Variants in TRDN observed in about 807,000 individuals in gnomAD.
TRDN encodes triadin.
In TRDN, 161 loss-of-function variants were observed where a neutral mutation model predicts 149.7. The observed-to-expected ratio is 1.08, with a 90% CI of 0.95 to 1.23. TRDN has a LOEUF of 1.23. Ranked by LOEUF, TRDN falls within the 50% of genes most tolerant of loss-of-function variation. The probability of loss-of-function intolerance (pLI) is 0.00; values close to 1 mark genes in which losing one functional copy is unlikely to be tolerated. For synonymous variants in TRDN, 294 were observed against 250.5 expected (o/e 1.17, Z -1.64); for missense variants, 896 against 823.5 (o/e 1.09, Z -1.08).
At chr6:123,465,010 A>G (rs759457993) in intron 9 of TRDN, 27 bp from the exon 10 acceptor site, 40 of 1,369,448 alleles carry the variant, frequency 2.9e-5, no homozygotes, top group Admixed American at 7.5e-5. Context: ...TAGGAATTGG[A>G]AAAAAAAAAG....
chr6:123,286,943 T>C (rs909859451), intron 24 of TRDN, among the ~76,000 whole-genome samples: 43 of 152,102 alleles, frequency 2.8e-4, no homozygotes, highest in African/African-American at 1.0e-3. Context: ...CCCAGGAATT[T>C]GTCACTTAAC....
intron 13 of TRDN, among the ~76,000 whole-genome samples, chr6:123,390,581 T>C (rs1782069682): frequency 6.6e-6 from 1 of 152,244 alleles, no homozygotes; most frequent in Middle Eastern, 3.4e-3. Flanking sequence ...TATTGCCAAC[T>C]GGAAAGCCAT....
At chr6:123,319,421 T>A (rs1260487149) in intron 23 of TRDN, among the ~76,000 whole-genome samples, 1 of 151,972 alleles carries the variant, frequency 6.6e-6, no homozygotes, top group Non-Finnish European at 1.5e-5. Context: ...GAGATTACAG[T>A]TTCTAACTAG....
intron 10 of TRDN, among the ~76,000 whole-genome samples, chr6:123,458,125 C>T (rs911802503): frequency 1.3e-5 from 2 of 152,134 alleles, no homozygotes; most frequent in African/African-American, 4.8e-5. Flanking sequence ...TTCTAATTGA[C>T]AAATGTAAAT....
At chr6:123,232,796 T>G (rs1775654216) in intron 38 of TRDN, among the ~76,000 whole-genome samples, 1 of 152,060 alleles carries the variant, frequency 6.6e-6, no homozygotes, top group Non-Finnish European at 1.5e-5. Flanking sequence ...GGATTAATTT[T>G]GTTTTTCTCA....
intron 38 of TRDN, among the ~76,000 whole-genome samples, chr6:123,250,486 CTCT>C (rs1264661414): frequency 1.6e-4 from 25 of 152,082 alleles, no homozygotes; most frequent in Admixed American, 1.6e-3. Context: ...ATATAGTATG[CTCT>C]TCTTTATAAA....
intron 39 of TRDN, among the ~76,000 whole-genome samples, chr6:123,222,602 T>C (rs1473923303): frequency 6.6e-6 from 1 of 151,840 alleles, no homozygotes; most frequent in Admixed American, 6.6e-5. Flanking sequence ...AAAGCACTAT[T>C]TTCCACATTG....
chr6:123,375,510 A>T (rs557224242), intron 19 of TRDN, 95 bp downstream of exon 19: 1 of 1,022,630 alleles, frequency 9.8e-7, no homozygotes, highest in East Asian at 3.0e-5. Flanking sequence ...CTGGTAAGCC[A>T]TTCTCAAAAT....
intron 5 of TRDN, among the ~76,000 whole-genome samples, chr6:123,519,181 C>A (rs978272316): frequency 6.6e-6 from 1 of 152,132 alleles, no homozygotes; most frequent in South Asian, 2.1e-4. Context: ...AAAGTCCCTT[C>A]GGTATGCTGA....
chr6:123,340,532 T>C (rs1025933520), intron 21 of TRDN, among the ~76,000 whole-genome samples: 1 of 152,060 alleles, frequency 6.6e-6, no homozygotes, highest in Admixed American at 6.6e-5. Flanking sequence ...ATCAGGCAGT[T>C]AAGATCCCTT....
chr6:123,373,349 T>C (rs748076405), intron 19 of TRDN, among the ~76,000 whole-genome samples: 28 of 152,150 alleles, frequency 1.8e-4, no homozygotes, highest in Non-Finnish European at 3.8e-4. Flanking sequence ...TGCTCCTCCT[T>C]GCCTTACACT....
At chr6:123,260,330 T>C (rs1014238172) in intron 34 of TRDN, among the ~76,000 whole-genome samples, 4 of 152,094 alleles carry the variant, frequency 2.6e-5, no homozygotes, top group African/African-American at 7.2e-5. Context: ...AAAGCAGTCT[T>C]GGTAAATAAT....
Position 123,505,429 on chromosome 6 carries a change from G to A in TRDN, c.611-1528C>T, listed in dbSNP as rs147560734. Among the ~76,000 whole-genome samples, 438 of 152,050 alleles carry A rather than the reference G, an allele frequency of 2.9e-3. 5 individuals are homozygous for A. The highest frequency in any genetic ancestry group is 9.9e-3 in the African/African-American group (412 of 41,496). On this transcript the variant is annotated intron_variant, in intron 7 of 40. Coordinates refer to ENST00000334268, the MANE Select transcript of TRDN (RefSeq NM_006073.4). ...CAAACCAAAAATCATCTGTGGTATCGCACTTAATTGACTACGCCAGCACTT... is the reference window on the plus strand; with the variant it reads ...CAAACCAAAAATCATCTGTGGTATCACACTTAATTGACTACGCCAGCACTT...
intron 20 of TRDN, among the ~76,000 whole-genome samples, chr6:123,362,473 T>C (rs1048869801): frequency 7.2e-5 from 11 of 152,164 alleles, no homozygotes; most frequent in Non-Finnish European, 8.8e-5. Flanking sequence ...ACAATGGTCT[T>C]GAGATAATTA....
rs546504398 is a variant in TRDN, at chr6:123,440,966, G to A, written c.932-1963C>T. 54 of 152,042 alleles carry A rather than the reference G, an allele frequency of 3.6e-4. No individual in the cohort carries two copies. In the Middle Eastern group the frequency reaches 0.01, roughly 29 times the overall value. 9.4% of individuals were successfully genotyped at this position (152,042 alleles called of 1,614,324 possible). On this transcript the variant is annotated intron_variant, in intron 10 of 40. Coordinates refer to ENST00000334268, the MANE Select transcript of TRDN (RefSeq NM_006073.4). Reference sequence around the variant, plus strand: ...GTGATTACAGTCATACACTGTGAGAGTCATGAATAAGAGCAGAAGTCCACA... The same window carrying A: ...GTGATTACAGTCATACACTGTGAGAATCATGAATAAGAGCAGAAGTCCACA...
intron 2 of TRDN, among the ~76,000 whole-genome samples, chr6:123,564,126 T>C (rs1035291662): frequency 6.6e-6 from 1 of 152,196 alleles, no homozygotes; most frequent in Non-Finnish European, 1.5e-5. Flanking sequence ...CTGGGAAATA[T>C]TGAATTATAG....
chr6:123,500,124 T>C (rs2114822180), intron 8 of TRDN, among the ~76,000 whole-genome samples: 1 of 152,180 alleles, frequency 6.6e-6, no homozygotes, highest in South Asian at 2.1e-4. Flanking sequence ...AGGAAATTTC[T>C]TATGAATTCA....
intron 14 of TRDN, 29 bp downstream of exon 14, chr6:123,388,493 G>A (rs760957213): frequency 6.3e-7 from 1 of 1,578,562 alleles, no homozygotes; most frequent in Non-Finnish European, 8.6e-7. Flanking sequence ...ACTCACAAAA[G>A]GCTCAGTGGG....
At chr6:123,591,893 C>A (rs1783802135) in intron 1 of TRDN, among the ~76,000 whole-genome samples, 3 of 152,162 alleles carry the variant, frequency 2.0e-5, no homozygotes, top group Admixed American at 6.5e-5. Context: ...CAACACCTTT[C>A]TTCTAAAAAG....
Sources: allele counts gnomAD v4.1 joint callset (sites outside exome capture counted in the v4.1 genomes callset), GRCh38; gene constraint gnomAD v4.1.1; transcripts MANE v1.5; gene names NCBI Gene and HGNC (gene_info 2026-07-23, HGNC 2026-07-21).